The following LHFPL3 variants were observed in gnomAD, a reference collection of about 807,000 sequenced individuals.
The protein encoded by LHFPL3 is LHFPL tetraspan subfamily member 3 protein.
In LHFPL3, 5 loss-of-function variants were observed where a neutral mutation model predicts 19.3. That is an observed-to-expected ratio of 0.26 (90% CI 0.14 to 0.54). The LOEUF is 0.54. LHFPL3 is among the 20% of genes least tolerant of loss of function. The probability of loss-of-function intolerance (pLI) is 0.94; values close to 1 mark genes in which losing one functional copy is unlikely to be tolerated. For synonymous variants in LHFPL3, 133 were observed against 126.2 expected, an observed-to-expected ratio of 1.05 and a Z score of -0.36; for missense variants, 249 against 307.4, an observed-to-expected ratio of 0.81 and a Z score of 1.42.
intron 1 of LHFPL3, among the ~76,000 whole-genome samples, chr7:104,349,997 C>T (rs1372690114): frequency 1.3e-5 from 2 of 152,118 alleles, no homozygotes; most frequent in Admixed American, 6.6e-5. Context: ...TATTCTGGTG[C>T]TCTATGTATT....
At chr7:104,381,185 A>T (rs902927404) in intron 1 of LHFPL3, among the ~76,000 whole-genome samples, 1 of 152,180 alleles carries the variant, frequency 6.6e-6, no homozygotes, top group Non-Finnish European at 1.5e-5. Context: ...GTATTCAATG[A>T]GGACTGTAAA....
At chr7:104,620,392 A>G (rs1312911783) in intron 1 of LHFPL3, among the ~76,000 whole-genome samples, 2 of 152,218 alleles carry the variant, frequency 1.3e-5, no homozygotes, top group Non-Finnish European at 2.9e-5. Context: ...TTTTGGCTAT[A>G]TAGGTTGTTA....
At chr7:104,494,405 A>G (rs1793416563) in intron 1 of LHFPL3, among the ~76,000 whole-genome samples, 1 of 152,194 alleles carries the variant, frequency 6.6e-6, no homozygotes, top group Non-Finnish European at 1.5e-5. Context: ...CTTGTCTGCC[A>G]CATTCATTAC....
At chr7:104,518,957 T>C (rs1381346063) in intron 1 of LHFPL3, among the ~76,000 whole-genome samples, 3 of 152,284 alleles carry the variant, frequency 2.0e-5, no homozygotes, top group African/African-American at 7.2e-5. Flanking sequence ...AAGGGGTACA[T>C]ATTTTTTCAA....
intron 1 of LHFPL3, among the ~76,000 whole-genome samples, chr7:104,500,806 T>C (rs910304965): frequency 4.6e-5 from 7 of 152,200 alleles, no homozygotes; most frequent in Non-Finnish European, 1.0e-4. Context: ...TGTGATTGCA[T>C]ACAGTTCTGT....
intron 1 of LHFPL3, among the ~76,000 whole-genome samples, chr7:104,731,337 G>C (rs1793701647): frequency 1.3e-5 from 2 of 151,906 alleles, no homozygotes; most frequent in Non-Finnish European, 2.9e-5. Context: ...TCATGATATT[G>C]ATTCTTCCTA....
intron 1 of LHFPL3, among the ~76,000 whole-genome samples, chr7:104,689,663 G>C (rs567261849): frequency 6.6e-6 from 1 of 152,278 alleles, no homozygotes; most frequent in Admixed American, 6.5e-5. Context: ...CAGAGTAACT[G>C]TGCATTGGGA....
intron 1 of LHFPL3, among the ~76,000 whole-genome samples, chr7:104,430,392 A>ATATATATG (rs1562895048): frequency 0.016 from 929 of 56,490 alleles, 82 homozygotes; most frequent in Non-Finnish European, 0.022. Flanking sequence ...ACATATATAT[A>ATATATATG]TATATATATA....
intron 1 of LHFPL3, among the ~76,000 whole-genome samples, chr7:104,506,238 G>T (rs1031852591): frequency 6.8e-6 from 1 of 147,686 alleles, no homozygotes; most frequent in Non-Finnish European, 1.5e-5. Context: ...GGAAATCCCC[G>T]CCCCCGCTGC....
chr7:104,589,740 C>T (rs1363514761), intron 1 of LHFPL3, among the ~76,000 whole-genome samples: 4 of 152,104 alleles, frequency 2.6e-5, no homozygotes, highest in East Asian at 3.9e-4. Flanking sequence ...TCCATCTGGT[C>T]CTGGACTTTT....
intron 2 of LHFPL3, among the ~76,000 whole-genome samples, chr7:104,813,028 T>G (rs1317059828): frequency 6.6e-6 from 1 of 151,298 alleles, no homozygotes; most frequent in Non-Finnish European, 1.5e-5. Flanking sequence ...GCAGGAGAAT[T>G]GCTTGAACCC....
chr7:104,460,767 C>A (rs1230741377), intron 1 of LHFPL3, among the ~76,000 whole-genome samples: 1 of 152,032 alleles, frequency 6.6e-6, no homozygotes, highest in African/African-American at 2.4e-5. Flanking sequence ...GCATAGTTTG[C>A]AAAAATTTTC....
intron 1 of LHFPL3, among the ~76,000 whole-genome samples, chr7:104,357,776 T>TCCTCCC (rs199725706): frequency 6.6e-6 from 1 of 151,152 alleles, no homozygotes; most frequent in East Asian, 1.9e-4. Context: ...CTCCTCCTCC[T>TCCTCCC]TCTCCTGCTC....
intron 2 of LHFPL3, among the ~76,000 whole-genome samples, chr7:104,849,946 G>GT (rs1215164084): frequency 6.6e-6 from 1 of 152,254 alleles, no homozygotes. Flanking sequence ...GAAAAAAAGG[G>GT]TTCTGGTTTC....
intron 1 of LHFPL3, among the ~76,000 whole-genome samples, chr7:104,609,268 AAAAAG>A (rs1324504953): frequency 1.3e-5 from 2 of 152,136 alleles, no homozygotes; most frequent in Admixed American, 6.6e-5. Context: ...CTGTCAAAAA[AAAAAG>A]AAAAGAAAAA....
chr7:104,722,077 A>G (rs1301273658), intron 1 of LHFPL3, among the ~76,000 whole-genome samples: 2 of 152,306 alleles, frequency 1.3e-5, no homozygotes, highest in East Asian at 3.9e-4. Context: ...TGGGTAAATT[A>G]GCAAGTGATG....
At chr7:104,893,984 T>A (rs1354471372) in intron 2 of LHFPL3, among the ~76,000 whole-genome samples, 1 of 151,730 alleles carries the variant, frequency 6.6e-6, no homozygotes, top group East Asian at 1.9e-4. Context: ...CATTGGACTT[T>A]AAGCACACAA....
At chr7:104,727,813 CAG>C (rs1343856286) in intron 1 of LHFPL3, among the ~76,000 whole-genome samples, 2 of 152,088 alleles carry the variant, frequency 1.3e-5, no homozygotes, top group Non-Finnish European at 2.9e-5. Flanking sequence ...GGCTGGATTA[CAG>C]AGTTTTTGAA....
chr7:104,813,377 G>A (rs1416180008), intron 2 of LHFPL3, among the ~76,000 whole-genome samples: 1 of 152,204 alleles, frequency 6.6e-6, no homozygotes, highest in African/African-American at 2.4e-5. Context: ...ACCTCAAAAA[G>A]AAAGCCAGGG....
Sources: gnomAD v4.1 joint callset for allele counts (sites outside exome capture counted in the v4.1 genomes callset) on GRCh38, gnomAD v4.1.1 for gene constraint, MANE v1.5 for transcripts, NCBI Gene and HGNC (gene_info 2026-07-23, HGNC 2026-07-21) for gene names.